The following ZNF718 variants were observed in gnomAD, a reference collection of about 807,000 sequenced individuals.
ZNF718 encodes zinc finger protein 718.
A neutral mutation model predicts 2.6 loss-of-function variants in ZNF718; 3 were observed. The observed-to-expected ratio is 1.16, with a 90% CI of 0.53 to 3.01. The LOEUF (loss-of-function observed/expected upper bound fraction) is 3.01, where lower values mean the gene tolerates loss of function less well. ZNF718 is among the 30% of genes most tolerant of loss of function. The pLI is 0.03. For missense variants in ZNF718, 468 were observed against 230.0 expected, an observed-to-expected ratio of 2.03 and a Z score of -6.69; for synonymous variants, 135 against 77.9, an observed-to-expected ratio of 1.73 and a Z score of -3.86.
In ZNF718 at chr4:124,568, A is replaced by G; in HGVS notation, c.-103A>G. 1.3e-6 allele frequency: 2 copies of G among 1,530,000 alleles called. No homozygotes were observed. Among genetic ancestry groups the G allele is most frequent in the Non-Finnish European group, 1.8e-6 (2 of 1,118,638 alleles). The allele number at this position is 1,530,000 out of a possible 1,614,324, so 94.8% of individuals were successfully genotyped here. On this transcript the variant is annotated 5_prime_UTR_variant, in exon 1 of 4. Transcript: ENST00000510175. ...ATCGCTCTGCTCCCGCTCCTTAGGG[A>G]AGCCTCGGTGATTCTGCCACAGCCT...
rs1179605134 is a variant in ZNF718 at position 131,586 on chromosome 4, T to A, written c.226+81T>A. 19 of 272,910 alleles carry A rather than the reference T, an allele frequency of 7.0e-5. 6 individuals carry two copies. The highest frequency in any genetic ancestry group is 4.0e-4 in the African/African-American group (14 of 35,164). 16.9% of individuals were successfully genotyped at this position (272,910 alleles called of 1,614,324 possible). On this transcript the variant is annotated intron_variant, in intron 3 of 3. Transcript: ENST00000510175. The stretch of plus-strand genomic sequence containing the variant: ...GGAAGCCAGGCCTTCAAATGTTGTT[T>A]GAGAGGCTGAGCACCGTGGCTCACG...
intron 3 of ZNF718, 26 bp downstream of exon 3, chr4:131,531 GAC>G (rs1436922626): frequency 5.1e-6 from 2 of 394,040 alleles, no homozygotes; most frequent in Non-Finnish European, 8.5e-6. Context: ...TGGAGGAGAG[GAC>G]ACAGACAAGG....
downstream of ZNF718, among the ~76,000 whole-genome samples, chr4:167,894 C>G (rs1456015338): frequency 6.6e-6 from 1 of 151,992 alleles, no homozygotes; most frequent in Non-Finnish European, 1.5e-5. Context: ...TGTGTTGAAT[C>G]GGAGTGGTGA....
At chr4:196,249 T>C (rs1717789985) in intron 3 of ZNF718, among the ~76,000 whole-genome samples, 1 of 152,136 alleles carries the variant, frequency 6.6e-6, no homozygotes, top group African/African-American at 2.4e-5. Flanking sequence ...GGGAGGGCAA[T>C]CTTCCTAGCC....
At chr4:139,226 A>G (rs190960213) in intron 3 of ZNF718, among the ~76,000 whole-genome samples, 3 of 152,260 alleles carry the variant, frequency 2.0e-5, no homozygotes, top group Admixed American at 2.0e-4. Flanking sequence ...AGTTTCACCA[A>G]TGTTTTTTGT....
intron 3 of ZNF718, among the ~76,000 whole-genome samples, chr4:156,506 CTT>C (rs1553813683): frequency 6.8e-6 from 1 of 147,906 alleles, no homozygotes; most frequent in East Asian, 2.0e-4. Context: ...AAAAAACAGA[CTT>C]TACAATCTTA....
intron 3 of ZNF718, among the ~76,000 whole-genome samples, chr4:197,409 A>C (rs1717813632): frequency 1.3e-5 from 2 of 152,162 alleles, no homozygotes; most frequent in Admixed American, 1.3e-4. Context: ...AGGACTCTCA[A>C]ACCAGTGCTT....
At chr4:164,611 T>A (rs1173557077), downstream of ZNF718, among the ~76,000 whole-genome samples, 2 of 152,124 alleles carry the variant, frequency 1.3e-5, no homozygotes, top group Admixed American at 6.5e-5. Context: ...TAAGAATGAT[T>A]TTTATAAAAT....
Position 162,571 on chromosome 4 carries a change from T to A in ZNF718, c.*449T>A, listed in dbSNP as rs1716942650. 6.5e-6 allele frequency: 1 copy of A among 154,246 alleles called. No individual in the cohort carries two copies. Among genetic ancestry groups the A allele is most frequent in the Non-Finnish European group, 1.4e-5 (1 of 69,432 alleles). 9.6% of individuals were successfully genotyped at this position (154,246 alleles called of 1,614,324 possible). A position where few individuals can be genotyped will look rare whatever the true frequency, so the allele number is the denominator to read the frequency against. On this transcript the variant is annotated 3_prime_UTR_variant, in exon 4 of 4. Transcript: ENST00000510175. The stretch of plus-strand genomic sequence containing the variant: ...AAAGACCTATTAGAAAATACAGGTC[T>A]TAAAAGTGAAGAAGAGTATTCTGAA...
intron 3 of ZNF718, among the ~76,000 whole-genome samples, chr4:196,407 A>C (rs1717793655): frequency 6.6e-6 from 1 of 152,204 alleles, no homozygotes; most frequent in Admixed American, 6.5e-5. Flanking sequence ...CGCAGTGTAG[A>C]GCTTCCTTAG....
At chr4:151,460 TTTTTGTTTTG>T (rs373021815) in intron 3 of ZNF718, among the ~76,000 whole-genome samples, 27 of 149,288 alleles carry the variant, frequency 1.8e-4, no homozygotes, top group Non-Finnish European at 1.8e-4. Flanking sequence ...GAGTAATGTT[TTTTTGTTTTG>T]TTTTGTTTTG....
At chr4:195,272 C>G (rs1717769253) in intron 3 of ZNF718, among the ~76,000 whole-genome samples, 1 of 152,206 alleles carries the variant, frequency 6.6e-6, no homozygotes, top group South Asian at 2.1e-4. Flanking sequence ...TGAGTGCAAA[C>G]AGCTCACACG....
rs1717010484 is a variant in ZNF718 at position 163,731 on chromosome 4, A to ACCTTACTC, written c.*1609_*1610insCCTTACTC. 3 of 152,186 alleles carry ACCTTACTC rather than the reference A, an allele frequency of 2.0e-5. No individual in the cohort carries two copies. The highest frequency in any genetic ancestry group is 4.4e-5 in the Non-Finnish European group (3 of 68,020). 9.4% of individuals were successfully genotyped at this position (152,186 alleles called of 1,614,324 possible). Reference sequence around the variant, plus strand: ...AACCTTACTCAAGGGTGTAGGTAAAAAATGGTAACAGTATACTTTTAGTAA... The same window carrying ACCTTACTC: ...AACCTTACTCAAGGGTGTAGGTAAAACCTTACTCAATGGTAACAGTATACTTTTAGTAA... On this transcript the variant is annotated 3_prime_UTR_variant, in exon 4 of 4. Coordinates refer to ENST00000510175, the MANE Select transcript of ZNF718 (RefSeq NM_001039127.6).
chr4:133,704 A>G (rs1051550365), intron 3 of ZNF718, among the ~76,000 whole-genome samples: 1 of 152,254 alleles, frequency 6.6e-6, no homozygotes, highest in Non-Finnish European at 1.5e-5. Flanking sequence ...ACATATAGCA[A>G]CAATGTTCAT....
chr4:174,854 C>T (rs1379112813), intron 3 of ZNF718, among the ~76,000 whole-genome samples: 1 of 152,156 alleles, frequency 6.6e-6, no homozygotes, highest in African/African-American at 2.4e-5. Context: ...CAGTTAGTGG[C>T]AAAAGCCCTA....
At chr4:201,274 A>G (rs530054698) in intron 4 of ZNF718, 1 of 152,572 alleles carries the variant, frequency 6.6e-6, no homozygotes, top group Admixed American at 6.5e-5. Context: ...TAATTCACAA[A>G]TAAAAGTCCT....
intron 3 of ZNF718, chr4:136,558 C>T (rs1251782192): frequency 2.1e-6 from 1 of 478,528 alleles, no homozygotes; most frequent in South Asian, 1.5e-5. Context: ...TGGGTGAGGC[C>T]CTGCTTTTTC....
chr4:183,073 C>A (rs1180827538), intron 3 of ZNF718, among the ~76,000 whole-genome samples: 2 of 151,952 alleles, frequency 1.3e-5, no homozygotes, highest in African/African-American at 4.8e-5. Context: ...AAATCTTTGC[C>A]CATGCCTATG....
At chr4:179,484 G>A (rs1717423164) in intron 3 of ZNF718, among the ~76,000 whole-genome samples, 2 of 152,166 alleles carry the variant, frequency 1.3e-5, no homozygotes, top group Non-Finnish European at 2.9e-5. Flanking sequence ...AGTATTGACA[G>A]CTTAACAATA....
Sources: gnomAD v4.1 joint callset for allele counts (sites outside exome capture counted in the v4.1 genomes callset) on GRCh38, gnomAD v4.1.1 for gene constraint, MANE v1.5 for transcripts, NCBI Gene and HGNC (gene_info 2026-07-23, HGNC 2026-07-21) for gene names.